The following MRPL1 variants were observed in gnomAD, a reference collection of about 807,000 sequenced individuals.
MRPL1 encodes the protein mitochondrial ribosomal protein L1, also known as large ribosomal subunit protein uL1m.
MRPL1 carries 28 observed loss-of-function variants against 38.0 expected under a neutral mutation model. The ratio of observed to expected loss-of-function variants is 0.74; its 90% CI spans 0.55 to 1.01. The LOEUF (loss-of-function observed/expected upper bound fraction) is 1.01. Ranked by LOEUF, MRPL1 falls within the 50% of genes least tolerant of loss-of-function variation. The pLI, the probability that MRPL1 is intolerant of heterozygous loss-of-function variation, is 0.00. For synonymous variants in MRPL1, 123 were observed against 126.7 expected (o/e 0.97, Z 0.20); for missense variants, 358 against 389.8 (o/e 0.92, Z 0.69).
At chr4:77,919,286 C>G (rs972348424) in intron 7 of MRPL1, among the ~76,000 whole-genome samples, 1 of 151,990 alleles carries the variant, frequency 6.6e-6, no homozygotes, top group Non-Finnish European at 1.5e-5. Context: ...AAATACTTGG[C>G]CTTCAGCCTG....
At chr4:77,937,583 C>T (rs1260759303) in intron 7 of MRPL1, among the ~76,000 whole-genome samples, 1 of 152,238 alleles carries the variant, frequency 6.6e-6, no homozygotes, top group Non-Finnish European at 1.5e-5. Context: ...TTCAGTCTCT[C>T]CTTCCTGCAG....
intron 1 of MRPL1, among the ~76,000 whole-genome samples, chr4:77,871,387 C>T (rs1226614575): frequency 1.3e-5 from 2 of 151,796 alleles, no homozygotes; most frequent in Non-Finnish European, 2.9e-5. Context: ...TCACTGCAAC[C>T]TCCGCCTCCT....
At chr4:77,924,818 C>T (rs1051498823) in intron 7 of MRPL1, among the ~76,000 whole-genome samples, 2 of 152,120 alleles carry the variant, frequency 1.3e-5, no homozygotes, top group Admixed American at 1.3e-4. Context: ...TTTCATGGCT[C>T]ATAGTCTGTT....
intron 6 of MRPL1, among the ~76,000 whole-genome samples, chr4:77,907,468 TTC>T (rs950472277): frequency 4.0e-5 from 6 of 149,546 alleles, no homozygotes; most frequent in African/African-American, 7.4e-5. Context: ...TCATGGGTCT[TTC>T]TCTCTCTCTC....
intron 7 of MRPL1, among the ~76,000 whole-genome samples, chr4:77,923,677 TGTAA>T (rs1315067739): frequency 6.6e-6 from 1 of 152,120 alleles, no homozygotes; most frequent in Non-Finnish European, 1.5e-5. Flanking sequence ...GGCTCACACC[TGTAA>T]TCCCAGCACT....
chr4:77,869,092 G>T (rs1019200063), intron 1 of MRPL1, among the ~76,000 whole-genome samples: 1 of 152,190 alleles, frequency 6.6e-6, no homozygotes, highest in African/African-American at 2.4e-5. Context: ...GATGGTTGTA[G>T]CAGAAAGGCA....
intron 6 of MRPL1, among the ~76,000 whole-genome samples, chr4:77,907,492 C>T (rs541106702): frequency 2.8e-5 from 3 of 105,856 alleles, no homozygotes; most frequent in Admixed American, 1.0e-4. Flanking sequence ...CCCTCCCTCC[C>T]TCCCTCCGTC....
chr4:77,938,160 T>C (rs1006961261), intron 7 of MRPL1, among the ~76,000 whole-genome samples: 4 of 152,312 alleles, frequency 2.6e-5, no homozygotes, highest in Admixed American at 1.3e-4. Flanking sequence ...TGTTAGAATA[T>C]AACTGTGCTC....
chr4:77,945,630 G>A (rs1578065936), intron 7 of MRPL1, among the ~76,000 whole-genome samples: 2 of 151,450 alleles, frequency 1.3e-5, no homozygotes, highest in Non-Finnish European at 2.9e-5. Context: ...CATAAGTGTC[G>A]GCCGGCTGAG....
chr4:77,936,728 A>C (rs1317326195), intron 7 of MRPL1, among the ~76,000 whole-genome samples: 1 of 152,218 alleles, frequency 6.6e-6, no homozygotes, highest in African/African-American at 2.4e-5. Flanking sequence ...CCTGTTTCTA[A>C]TATCTCATTA....
intron 2 of MRPL1, among the ~76,000 whole-genome samples, chr4:77,880,935 G>A (rs1204077273): frequency 6.6e-6 from 1 of 152,200 alleles, no homozygotes; most frequent in Non-Finnish European, 1.5e-5. Flanking sequence ...ATCATCTCAT[G>A]TAGCCTGGGG....
chr4:77,867,711 C>T (rs1452713363), intron 1 of MRPL1, among the ~76,000 whole-genome samples: 5 of 144,498 alleles, frequency 3.5e-5, no homozygotes, highest in African/African-American at 5.1e-5. Context: ...GGATTACATG[C>T]GTGAACCACT....
At chr4:77,942,762 A>T (rs1195634968) in intron 7 of MRPL1, among the ~76,000 whole-genome samples, 1 of 152,120 alleles carries the variant, frequency 6.6e-6, no homozygotes, top group Non-Finnish European at 1.5e-5. Flanking sequence ...AGTTGATTTG[A>T]GTCCTTATGT....
intron 2 of MRPL1, among the ~76,000 whole-genome samples, chr4:77,882,023 T>C (rs1434055175): frequency 6.6e-6 from 1 of 152,206 alleles, no homozygotes; most frequent in African/African-American, 2.4e-5. Flanking sequence ...GCCTGCCTTC[T>C]CTTTTACCGT....
chr4:77,870,233 A>G (rs1434632593), intron 1 of MRPL1, among the ~76,000 whole-genome samples: 1 of 152,158 alleles, frequency 6.6e-6, no homozygotes, highest in Admixed American at 6.5e-5. Flanking sequence ...GATATGTTCA[A>G]GAGATTTTTT....
intron 1 of MRPL1, among the ~76,000 whole-genome samples, chr4:77,868,794 A>T (rs1735212735): frequency 6.6e-6 from 1 of 152,220 alleles, no homozygotes. Flanking sequence ...AACTGAAAGA[A>T]GATGAGTGTA....
chr4:77,890,213 T>C lies in MRPL1; in HGVS notation c.558+2922T>C, dbSNP rs1271655811. 2.0e-5 allele frequency among the ~76,000 whole-genome samples: 3 copies of C among 152,106 alleles called. No individual in the cohort carries two copies. In the East Asian group the frequency reaches 5.8e-4, roughly 29 times the overall value. ...TTTAGACCAATATCCCTGATGAACA[T>C]CGATGCAAAAATCCTCAGTAAAATA... On this transcript the variant is annotated intron_variant, in intron 5 of 8. Coordinates refer to ENST00000315567, the MANE Select transcript of MRPL1 (RefSeq NM_020236.4).
chr4:77,862,918 G>A (rs1195282207), intron 1 of MRPL1, 39 bp downstream of exon 1: 3 of 1,613,518 alleles, frequency 1.9e-6, no homozygotes, highest in African/African-American at 2.7e-5. Context: ...AATGGCTCTG[G>A]CACCGAGTCT....
intron 4 of MRPL1, among the ~76,000 whole-genome samples, chr4:77,886,792 T>TTTC (rs1046910996): frequency 3.0e-5 from 4 of 135,504 alleles, no homozygotes; most frequent in Admixed American, 7.4e-5. Context: ...GCATTTTCTT[T>TTTC]TTTTTTTTTT....
Sources: gnomAD v4.1 joint callset for allele counts (sites outside exome capture counted in the v4.1 genomes callset) on GRCh38, gnomAD v4.1.1 for gene constraint, MANE v1.5 for transcripts, NCBI Gene and HGNC (gene_info 2026-07-23, HGNC 2026-07-21) for gene names.